The following CERKL variants were observed in gnomAD, a reference collection of about 807,000 sequenced individuals.
CERKL encodes ceramide kinase-like protein.
CERKL carries 61 observed loss-of-function variants against 63.4 expected under a neutral mutation model. The ratio of observed to expected loss-of-function variants is 0.96; its 90% CI spans 0.78 to 1.19. The LOEUF (loss-of-function observed/expected upper bound fraction) is 1.19. Ranked by LOEUF, CERKL falls within the 50% of genes most tolerant of loss-of-function variation. The pLI is 0.00. For missense variants in CERKL, 675 were observed against 655.5 expected (o/e 1.03, Z -0.33); for synonymous variants, 250 against 230.5 (o/e 1.08, Z -0.77).
In CERKL at chr2:181,537,639, G is replaced by C. The variant is rs1228855515; in HGVS notation, c.*545C>G. Reference sequence around the variant, plus strand: ...AACATAATTGATGAGCTCAAATCCTGAAAAATGAAAGAATCCAAATTATTT... The same window carrying C: ...AACATAATTGATGAGCTCAAATCCTCAAAAATGAAAGAATCCAAATTATTT... On this transcript the variant is annotated 3_prime_UTR_variant, in exon 13 of 13. Coordinates refer to ENST00000410087, the MANE Select transcript of CERKL (RefSeq NM_201548.5). 2.3e-6 allele frequency: 1 copy of C among 434,396 alleles called. No homozygotes were observed. Among genetic ancestry groups the C allele is most frequent in the Admixed American group, 2.6e-5 (1 of 38,064 alleles). 26.9% of individuals were successfully genotyped at this position (434,396 alleles called of 1,614,324 possible). A position where few individuals can be genotyped will look rare whatever the true frequency, so the allele number is the denominator to read the frequency against.
intron 1 of CERKL, among the ~76,000 whole-genome samples, chr2:181,625,819 TAG>T (rs1686674675): frequency 6.6e-6 from 1 of 152,202 alleles, no homozygotes; most frequent in African/African-American, 2.4e-5. Context: ...TTCTAGGAGT[TAG>T]AGAAACAGGG....
At chr2:181,568,056 C>G (rs912132558) in intron 3 of CERKL, among the ~76,000 whole-genome samples, 12 of 152,156 alleles carry the variant, frequency 7.9e-5, no homozygotes, top group African/African-American at 2.9e-4. Flanking sequence ...GGTCTTTGAA[C>G]ACAATTCTCA....
intron 1 of CERKL, among the ~76,000 whole-genome samples, chr2:181,643,381 A>C (rs892016996): frequency 1.3e-5 from 2 of 152,240 alleles, no homozygotes; most frequent in African/African-American, 4.8e-5. Flanking sequence ...CCACTGCTGA[A>C]ATCTTTCCTA....
intron 1 of CERKL, among the ~76,000 whole-genome samples, chr2:181,639,670 G>A (rs542229031): frequency 1.1e-3 from 171 of 152,218 alleles, no homozygotes; most frequent in Non-Finnish European, 2.0e-3. Context: ...CTTAACTGGG[G>A]AAGCAACATA....
intron 3 of CERKL, among the ~76,000 whole-genome samples, chr2:181,566,353 A>T (rs1688666720): frequency 6.6e-6 from 1 of 152,184 alleles, no homozygotes; most frequent in South Asian, 2.1e-4. Context: ...ACATAAAGTC[A>T]TTTGGGAATA....
intron 12 of CERKL, 133 bp downstream of exon 12, chr2:181,538,959 T>C (rs1687349882): frequency 2.8e-6 from 2 of 713,054 alleles, no homozygotes; most frequent in African/African-American, 1.8e-5. Flanking sequence ...TGTCTCTTTA[T>C]GCTTCCCTGA....
chr2:181,654,611 C>G (rs535971058), intron 1 of CERKL, among the ~76,000 whole-genome samples: 227 of 152,322 alleles, frequency 1.5e-3, no homozygotes, highest in Middle Eastern at 6.8e-3. Context: ...GCTCTCCCCC[C>G]ACCACATCCT....
intron 3 of CERKL, among the ~76,000 whole-genome samples, chr2:181,572,670 A>G (rs542741529): frequency 7.6e-4 from 116 of 152,134 alleles, no homozygotes; most frequent in Non-Finnish European, 1.4e-3. Context: ...CTTCTTCACT[A>G]TAACTTTATT....
At chr2:181,541,603 T>C (rs1207210413) in intron 11 of CERKL, among the ~76,000 whole-genome samples, 2 of 152,142 alleles carry the variant, frequency 1.3e-5, no homozygotes, top group African/African-American at 2.4e-5. Flanking sequence ...CCAATGTGTG[T>C]CTTAGAAAAA....
At chr2:181,634,285 TC>T (rs976276735) in intron 1 of CERKL, among the ~76,000 whole-genome samples, 14 of 152,270 alleles carry the variant, frequency 9.2e-5, no homozygotes, top group African/African-American at 2.9e-4. Context: ...AGCAGATGTT[TC>T]TTGGGGTCAT....
chr2:181,589,595 T>C (rs1394437809), intron 2 of CERKL, among the ~76,000 whole-genome samples: 1 of 152,182 alleles, frequency 6.6e-6, no homozygotes, highest in Non-Finnish European at 1.5e-5. Context: ...CAATAACTTG[T>C]TTTGGGACAA....
At chr2:181,652,508 A>C (rs1022603568) in intron 1 of CERKL, among the ~76,000 whole-genome samples, 1 of 152,224 alleles carries the variant, frequency 6.6e-6, no homozygotes, top group African/African-American at 2.4e-5. Flanking sequence ...TTAAAGATTT[A>C]AAATGTAAAA....
At chr2:181,638,057 C>T (rs1018058011) in intron 1 of CERKL, among the ~76,000 whole-genome samples, 1 of 152,094 alleles carries the variant, frequency 6.6e-6, no homozygotes, top group African/African-American at 2.4e-5. Context: ...GGAATCAGGA[C>T]TTTAAGGGTA....
chr2:181,561,196 G>A (rs1688424991), intron 4 of CERKL, among the ~76,000 whole-genome samples: 1 of 152,096 alleles, frequency 6.6e-6, no homozygotes, highest in South Asian at 2.1e-4. Flanking sequence ...GGATCACGAG[G>A]TCAGGAGTTC....
At chr2:181,610,863 T>A (rs1174150130) in intron 1 of CERKL, among the ~76,000 whole-genome samples, 3 of 152,186 alleles carry the variant, frequency 2.0e-5, no homozygotes, top group Non-Finnish European at 2.9e-5. Flanking sequence ...TATACCTGGT[T>A]TTGATCCAGC....
intron 2 of CERKL, among the ~76,000 whole-genome samples, chr2:181,598,071 C>T (rs551573822): frequency 6.6e-6 from 1 of 152,202 alleles, no homozygotes; most frequent in East Asian, 1.9e-4. Context: ...AGTGGTTCTT[C>T]CCACTGGGGG....
chr2:181,544,855 T>G (rs1425158143), intron 10 of CERKL, 59 bp from the exon 11 acceptor site: 1 of 965,114 alleles, frequency 1.0e-6, no homozygotes, highest in East Asian at 2.6e-5. Context: ...ATACCAAAAA[T>G]TATGACATAC....
chr2:181,576,031 G>A (rs1042032908), intron 2 of CERKL, among the ~76,000 whole-genome samples: 3 of 152,028 alleles, frequency 2.0e-5, no homozygotes, highest in South Asian at 2.1e-4. Context: ...GGACGCAGAT[G>A]GAAGACTCAA....
At chr2:181,588,899 C>T (rs1684874298) in intron 2 of CERKL, among the ~76,000 whole-genome samples, 1 of 152,136 alleles carries the variant, frequency 6.6e-6, no homozygotes, top group Non-Finnish European at 1.5e-5. Flanking sequence ...AATGTCTATT[C>T]AGATCCTTTG....
Sources: gnomAD v4.1 joint callset for allele counts (sites outside exome capture counted in the v4.1 genomes callset) on GRCh38, gnomAD v4.1.1 for gene constraint, MANE v1.5 for transcripts, NCBI Gene and HGNC (gene_info 2026-07-23, HGNC 2026-07-21) for gene names.